RPTOR: variants seen among roughly 807,000 people sequenced by gnomAD.
RPTOR encodes the protein regulatory associated protein of MTOR complex 1, also known as regulatory-associated protein of mTOR.
Under a neutral mutation model 169.9 loss-of-function variants are expected in RPTOR, and 21 were observed. The ratio of observed to expected loss-of-function variants is 0.12; its 90% CI spans 0.09 to 0.18. The LOEUF is 0.18. Ranked by LOEUF, RPTOR falls within the 10% of genes least tolerant of loss-of-function variation. RPTOR has a pLI of 1.00. For synonymous variants in RPTOR, 732 were observed against 753.2 expected, an observed-to-expected ratio of 0.97 and a Z score of 0.46; for missense variants, 1,133 against 1,855.9, an observed-to-expected ratio of 0.61 and a Z score of 7.16.
At chr17:80,930,686 G>A (rs562907821) in intron 24 of RPTOR, among the ~76,000 whole-genome samples, 4 of 152,394 alleles carry the variant, frequency 2.6e-5, no homozygotes, top group East Asian at 1.9e-4. Flanking sequence ...AGAATAAGTC[G>A]TTGGTTTTGG....
chr17:80,876,663 G>A (rs79076101), intron 13 of RPTOR, among the ~76,000 whole-genome samples: 1 of 129,332 alleles, frequency 7.7e-6, no homozygotes. Flanking sequence ...GCCACGCAGG[G>A]TGTGTGTGTC....
At chr17:80,786,298 A>C (rs2143475557) in intron 6 of RPTOR, among the ~76,000 whole-genome samples, 1 of 152,320 alleles carries the variant, frequency 6.6e-6, no homozygotes, top group African/African-American at 2.4e-5. Context: ...GGGTTTATAC[A>C]AATTTTTCAC....
rs2065597963 is a variant in RPTOR, at chr17:80,646,591, G to A, written c.348+2781G>A. On this transcript the variant is annotated intron_variant, in intron 3 of 33. Coordinates refer to ENST00000306801, the MANE Select transcript of RPTOR (RefSeq NM_020761.3). The surrounding 1 kb of genome is among the most constrained non-coding windows in gnomAD (Gnocchi z 5.0). ...GCCTGGTTCCTGACTGTAAATCAGGGTCCTTTGAAACATTGCAAGGCTAAA... is the reference window on the plus strand; with the variant it reads ...GCCTGGTTCCTGACTGTAAATCAGGATCCTTTGAAACATTGCAAGGCTAAA... Among the ~76,000 whole-genome samples, 2 of 152,160 alleles carry A rather than the reference G, an allele frequency of 1.3e-5. No homozygotes were observed. The highest frequency in any genetic ancestry group is 2.9e-5 in the Non-Finnish European group (2 of 68,024).
chr17:80,794,354 G>T (rs1159220876), intron 7 of RPTOR, among the ~76,000 whole-genome samples: 1 of 152,194 alleles, frequency 6.6e-6, no homozygotes, highest in East Asian at 1.9e-4. Flanking sequence ...GAAATCATTA[G>T]CCATTAGGTA....
intron 3 of RPTOR, among the ~76,000 whole-genome samples, chr17:80,665,448 CTTT>C (rs1567846445): frequency 1.8e-4 from 4 of 22,584 alleles, no homozygotes; most frequent in Admixed American, 3.9e-4. Flanking sequence ...CTTTCCTTTC[CTTT>C]CCTTTCCTTT....
chr17:80,732,029 T>C (rs1243194471), intron 5 of RPTOR, among the ~76,000 whole-genome samples: 1 of 152,224 alleles, frequency 6.6e-6, no homozygotes, highest in Non-Finnish European at 1.5e-5. Context: ...TCAAGGTTTG[T>C]ATCATCAGAT....
chr17:80,548,894 C>T (rs780368285), intron 1 of RPTOR, among the ~76,000 whole-genome samples: 13 of 152,228 alleles, frequency 8.5e-5, no homozygotes, highest in Admixed American at 2.6e-4. Context: ...TTTGCTTCTT[C>T]TTGTGGTTAA....
intron 6 of RPTOR, among the ~76,000 whole-genome samples, chr17:80,755,790 G>A (rs2066675150): frequency 6.6e-6 from 1 of 151,424 alleles, no homozygotes; most frequent in Non-Finnish European, 1.5e-5. Context: ...GGAGCTGTCT[G>A]GAGGGGGCAG....
rs2067371730 is a variant in RPTOR at position 80,820,851 on chromosome 17, C to A, written c.891-1350C>A. Among the ~76,000 whole-genome samples, 2 of 152,220 alleles carry A rather than the reference C, an allele frequency of 1.3e-5. No individual in the cohort carries two copies. Among genetic ancestry groups the A allele is most frequent in the Admixed American group, 6.5e-5 (1 of 15,282 alleles). ...CCCACACAGCTAATGAAAGGGGCTT[C>A]TCCGTCATCCCCGTCCTGGCCAGCA... On this transcript the variant is annotated intron_variant, in intron 7 of 33. Coordinates refer to ENST00000306801, the MANE Select transcript of RPTOR (RefSeq NM_020761.3). The surrounding 1 kb of genome is among the most constrained non-coding windows in gnomAD (Gnocchi z 4.1).
At position 80,817,101 on chromosome 17, in the gene RPTOR, A is replaced by G. The variant is rs542921886; in HGVS notation, c.891-5100A>G. On this transcript the variant is annotated intron_variant, in intron 7 of 33. Coordinates refer to ENST00000306801, the MANE Select transcript of RPTOR (RefSeq NM_020761.3). Reference sequence around the variant, plus strand: ...GTGGGTGACTTGGGGGCCTGGGTCCACCGAGCCGCACAGCGGGAGGCACGG... The same window carrying G: ...GTGGGTGACTTGGGGGCCTGGGTCCGCCGAGCCGCACAGCGGGAGGCACGG... Among the ~76,000 whole-genome samples the G allele has an allele frequency of 4.6e-5, 7 of 152,326 alleles. No homozygotes were observed. The East Asian group carries it at 1.2e-3, about 25-fold the overall frequency.
At chr17:80,784,946 G>A (rs1275179172) in intron 6 of RPTOR, among the ~76,000 whole-genome samples, 1 of 152,012 alleles carries the variant, frequency 6.6e-6, no homozygotes, top group Non-Finnish European at 1.5e-5. Flanking sequence ...GGCTGGTCTC[G>A]AACTCCCAAC....
chr17:80,669,347 G>A (rs1164508817), intron 3 of RPTOR, among the ~76,000 whole-genome samples: 1 of 152,216 alleles, frequency 6.6e-6, no homozygotes, highest in Non-Finnish European at 1.5e-5. Flanking sequence ...GGTTTCTGGG[G>A]AACTTCCCTG....
rs556354359 is a variant in RPTOR at position 80,947,119 on chromosome 17, G to A, written c.3141-108G>A. 1.8e-6 allele frequency: 2 copies of A among 1,119,270 alleles called. No individual in the cohort carries two copies. The highest frequency in any genetic ancestry group is 2.4e-6 in the Non-Finnish European group (2 of 817,966). The allele number at this position is 1,119,270 out of a possible 1,614,324, so 69.3% of individuals were successfully genotyped here. On this transcript the variant is annotated intron_variant, in intron 26 of 33. Transcript: ENST00000306801. This position sits in a 1 kb window ranked among gnomAD's most constrained non-coding sequence, Gnocchi z 4.4. ...GGTGTGAGCCGCCGTGCCCGGCTGT[G>A]GTGTGTGGTTTTTTGATAGCAGCCC...
At chr17:80,597,637 G>T (rs190751788) in intron 1 of RPTOR, among the ~76,000 whole-genome samples, 7 of 151,792 alleles carry the variant, frequency 4.6e-5, no homozygotes, top group African/African-American at 1.7e-4. Flanking sequence ...CAGCTACCTA[G>T]GTAGCTGGAA....
intron 25 of RPTOR, among the ~76,000 whole-genome samples, chr17:80,942,453 A>G (rs929424089): frequency 2.6e-5 from 4 of 151,636 alleles, no homozygotes; most frequent in Non-Finnish European, 5.9e-5. Flanking sequence ...TTGTCCAGAC[A>G]CACAAAGGAG....
chr17:80,913,143 T>A (rs1043603194), intron 21 of RPTOR, among the ~76,000 whole-genome samples: 3 of 152,210 alleles, frequency 2.0e-5, no homozygotes, highest in Non-Finnish European at 2.9e-5. Flanking sequence ...ATGCCTTATT[T>A]TCCTGCTCTA....
At chr17:80,683,095 T>C (rs1420268787) in intron 3 of RPTOR, among the ~76,000 whole-genome samples, 1 of 152,206 alleles carries the variant, frequency 6.6e-6, no homozygotes, top group African/African-American at 2.4e-5. Flanking sequence ...AGCCAAGCGC[T>C]CAGCTGATCG....
chr17:80,629,778 G>A (rs79995198), intron 2 of RPTOR, among the ~76,000 whole-genome samples: 2 of 144,322 alleles, frequency 1.4e-5, no homozygotes, highest in Admixed American at 7.0e-5. Flanking sequence ...ACATTGTACC[G>A]CAGCTCTTCC....
chr17:80,665,955 A>T (rs192561976), intron 3 of RPTOR, among the ~76,000 whole-genome samples: 1 of 152,120 alleles, frequency 6.6e-6, no homozygotes, highest in African/African-American at 2.4e-5. Context: ...GCCACTGAGT[A>T]TCTCTCCCTC....
Sources: gnomAD v4.1 joint callset for allele counts (sites outside exome capture counted in the v4.1 genomes callset) on GRCh38, gnomAD v4.1.1 for gene constraint, Gnocchi (gnomAD v3.1) non-coding constraint, MANE v1.5 for transcripts, NCBI Gene and HGNC (gene_info 2026-07-23, HGNC 2026-07-21) for gene names.